The following FAM167A variants were observed in gnomAD, a reference collection of about 807,000 sequenced individuals.
FAM167A encodes family with sequence similarity 167 member A, also known as protein FAM167A.
FAM167A carries 23 observed loss-of-function variants against 14.9 expected under a neutral mutation model. The ratio of observed to expected loss-of-function variants is 1.55; its 90% CI spans 1.11 to 2.19. The LOEUF is 2.19. Among genes scored for constraint, FAM167A ranks in the 30% most tolerant of loss-of-function variants. The pLI, the probability that FAM167A is intolerant of heterozygous loss-of-function variation, is 0.00. For synonymous variants in FAM167A, 174 were observed against 117.7 expected (o/e 1.48, Z -3.10); for missense variants, 401 against 281.5 (o/e 1.42, Z -3.04).
At chr8:11,452,810 C>T (rs56286613) in intron 1 of FAM167A, among the ~76,000 whole-genome samples, 27,879 of 152,200 alleles carry the variant, frequency 0.18, 2,764 homozygotes, top group Non-Finnish European at 0.22. Context: ...TGTGCAGGCA[C>T]GTTCCCCAGT....
At chr8:11,428,929 C>A (rs1368149073) in intron 2 of FAM167A, among the ~76,000 whole-genome samples, 1 of 152,150 alleles carries the variant, frequency 6.6e-6, no homozygotes, top group African/African-American at 2.4e-5. Flanking sequence ...GAATAAGAGG[C>A]TTAATTTGTT....
At chr8:11,462,139 GCTTGCGCT>G (rs1254313427) in intron 1 of FAM167A, among the ~76,000 whole-genome samples, 1 of 152,250 alleles carries the variant, frequency 6.6e-6, no homozygotes, top group East Asian at 1.9e-4. Flanking sequence ...TGCCGTGTCA[GCTTGCGCT>G]GGAGGTACTT....
At chr8:11,469,053 A>G (rs537536548), upstream of FAM167A, among the ~76,000 whole-genome samples, 3 of 152,382 alleles carry the variant, frequency 2.0e-5, no homozygotes, top group Non-Finnish European at 4.4e-5. Context: ...GTATGTAGCC[A>G]TAGAAATAAT....
intron 2 of FAM167A, among the ~76,000 whole-genome samples, chr8:11,431,615 AC>A (rs1805596417): frequency 6.6e-6 from 1 of 152,216 alleles, no homozygotes; most frequent in African/African-American, 2.4e-5. Flanking sequence ...CCCAGGACCT[AC>A]CTGGTTCTAG....
intron 1 of FAM167A, among the ~76,000 whole-genome samples, chr8:11,456,974 GGTTAGGGATGTA>G (rs1807344381): frequency 5.5e-5 from 2 of 36,540 alleles, no homozygotes; most frequent in Non-Finnish European, 1.3e-4. Flanking sequence ...GGCGGGGCTG[GGTTAGGGATGTA>G]GGTGGGGCTG....
At chr8:11,455,735 G>A (rs1807231598) in intron 1 of FAM167A, among the ~76,000 whole-genome samples, 1 of 149,948 alleles carries the variant, frequency 6.7e-6, no homozygotes, top group Non-Finnish European at 1.5e-5. Flanking sequence ...GAGTGTCGGG[G>A]GTGGTTGCCT....
chr8:11,469,897 TA>T (rs960634445), upstream of FAM167A, among the ~76,000 whole-genome samples: 3 of 112,284 alleles, frequency 2.7e-5, no homozygotes, highest in Non-Finnish European at 6.5e-5. Context: ...AATAAATAAA[TA>T]AATAAATAAA....
intron 2 of FAM167A, among the ~76,000 whole-genome samples, chr8:11,436,910 T>G (rs970489662): frequency 1.3e-5 from 2 of 152,194 alleles, no homozygotes; most frequent in Middle Eastern, 3.2e-3. Context: ...CATGAGCTGC[T>G]GGAGTGGGGA....
intron 1 of FAM167A, among the ~76,000 whole-genome samples, chr8:11,454,841 G>A (rs1356431489): frequency 6.6e-6 from 1 of 152,172 alleles, no homozygotes; most frequent in Non-Finnish European, 1.5e-5. Context: ...GCTCAGCACT[G>A]ACCAGGTGGC....
At chr8:11,456,404 G>C (rs111205123) in intron 1 of FAM167A, among the ~76,000 whole-genome samples, 1 of 76,720 alleles carries the variant, frequency 1.3e-5, no homozygotes, top group Non-Finnish European at 2.8e-5. Context: ...TGTGAGTGTG[G>C]GGGGTGGTTG....
intron 2 of FAM167A, among the ~76,000 whole-genome samples, chr8:11,426,257 G>T (rs1805137011): frequency 6.6e-6 from 1 of 152,092 alleles, no homozygotes; most frequent in Non-Finnish European, 1.5e-5. Flanking sequence ...CTGAACCAAG[G>T]TATACCTTCT....
intron 2 of FAM167A, among the ~76,000 whole-genome samples, chr8:11,429,533 C>G (rs184810372): frequency 6.6e-6 from 1 of 152,342 alleles, no homozygotes. Context: ...ATTGTTTCAT[C>G]ATGTTTTCCC....
At chr8:11,445,977 G>A (rs115796251) in intron 1 of FAM167A, among the ~76,000 whole-genome samples, 109 of 139,320 alleles carry the variant, frequency 7.8e-4, no homozygotes, top group African/African-American at 2.9e-3. Flanking sequence ...AAGAAAGAGG[G>A]ATTGTTACTG....
Position 11,443,208 on chromosome 8 carries a change from C to T in FAM167A, c.381+823G>A, listed in dbSNP as rs765222069. Reference sequence around the variant, plus strand: ...TGCTGAGAGGCTGTCGTGCCAGACACGGGTGATTCTCCCCTGGGGGGGTGG... The same window carrying T: ...TGCTGAGAGGCTGTCGTGCCAGACATGGGTGATTCTCCCCTGGGGGGGTGG... On this transcript the variant is annotated intron_variant, in intron 2 of 2. Transcript: ENST00000284486. 9.2e-5 allele frequency among the ~76,000 whole-genome samples: 14 copies of T among 152,194 alleles called. No homozygotes were observed. In the East Asian group the frequency reaches 9.6e-4, roughly 10 times the overall value.
At chr8:11,443,153 C>G (rs1314244197) in intron 2 of FAM167A, among the ~76,000 whole-genome samples, 1 of 152,154 alleles carries the variant, frequency 6.6e-6, no homozygotes, top group East Asian at 1.9e-4. Flanking sequence ...GGGTTGAGAG[C>G]TGGGGTAGGG....
chr8:11,473,468 C>G (rs1808025049), intron 1 of FAM167A, among the ~76,000 whole-genome samples: 1 of 152,158 alleles, frequency 6.6e-6, no homozygotes, highest in African/African-American at 2.4e-5. Context: ...AACCTCTTTT[C>G]AACAACTGTA....
chr8:11,425,113 C>T (rs1309052784), intron 2 of FAM167A, among the ~76,000 whole-genome samples: 1 of 152,164 alleles, frequency 6.6e-6, no homozygotes, highest in Non-Finnish European at 1.5e-5. Context: ...TTACATTACT[C>T]TTTAAACGTT....
intron 2 of FAM167A, among the ~76,000 whole-genome samples, chr8:11,436,897 G>T (rs1806055920): frequency 6.6e-6 from 1 of 152,230 alleles, no homozygotes; most frequent in Non-Finnish European, 1.5e-5. Flanking sequence ...GCTGAGGACA[G>T]GACATGAGCT....
chr8:11,434,296 C>T (rs749159463), intron 2 of FAM167A, among the ~76,000 whole-genome samples: 41 of 152,320 alleles, frequency 2.7e-4, no homozygotes, highest in Non-Finnish European at 5.1e-4. Flanking sequence ...AGGGCGGGGA[C>T]TCTGAGCCTG....
Sources: allele counts gnomAD v4.1 joint callset (sites outside exome capture counted in the v4.1 genomes callset), GRCh38; gene constraint gnomAD v4.1.1; transcripts MANE v1.5; gene names NCBI Gene and HGNC (gene_info 2026-07-23, HGNC 2026-07-21).